TSPEAR: variants seen among roughly 807,000 people sequenced by gnomAD.
TSPEAR encodes thrombospondin type laminin G domain and EAR repeats.
TSPEAR carries 69 observed loss-of-function variants against 71.6 expected under a neutral mutation model. That is an observed-to-expected ratio of 0.96 (90% CI 0.79 to 1.18). TSPEAR has a LOEUF of 1.18. TSPEAR is among the 50% of genes most tolerant of loss of function. TSPEAR has a pLI of 0.00. For missense variants in TSPEAR, 971 were observed against 894.9 expected, an observed-to-expected ratio of 1.09 and a Z score of -1.09; for synonymous variants, 402 against 387.2, an observed-to-expected ratio of 1.04 and a Z score of -0.45.
rs1601467833 is a variant in TSPEAR, at chr21:44,600,026, C to T, written c.83-32021G>A. On this transcript the variant is annotated intron_variant, in intron 1 of 11. Coordinates refer to ENST00000323084, the MANE Select transcript of TSPEAR (RefSeq NM_144991.3). ...CCCCCAGGAACTACTGTGAACCTGA[C>T]GGGAAATGGCTCACACCACTGTCCA... Among the ~76,000 whole-genome samples, 5 of 152,214 alleles carry T rather than the reference C, an allele frequency of 3.3e-5. 1 individual carries two copies. The highest frequency in any genetic ancestry group is 6.5e-5 in the Admixed American group (1 of 15,282).
At chr21:44,700,007 G>A (rs1390432750) in intron 1 of TSPEAR, among the ~76,000 whole-genome samples, 1 of 152,148 alleles carries the variant, frequency 6.6e-6, no homozygotes, top group Non-Finnish European at 1.5e-5. Context: ...TTAGCTTAGG[G>A]TGATTTGCTA....
intron 1 of TSPEAR, among the ~76,000 whole-genome samples, chr21:44,621,596 G>A (rs1982437993): frequency 1.3e-5 from 2 of 152,122 alleles, no homozygotes; most frequent in African/African-American, 4.8e-5. Flanking sequence ...TTCCTCAGTT[G>A]CTCTCACTAG....
At chr21:44,654,446 G>A (rs587768043) in intron 1 of TSPEAR, 11 of 1,614,076 alleles carry the variant, frequency 6.8e-6, no homozygotes, top group East Asian at 6.7e-5. Flanking sequence ...CAGGCTGGCT[G>A]GCAGCAGGTG....
chr21:44,691,664 AT>A (rs1555949746), intron 1 of TSPEAR, among the ~76,000 whole-genome samples: 1 of 152,258 alleles, frequency 6.6e-6, no homozygotes, highest in African/African-American at 2.4e-5. Flanking sequence ...TGAACAGAAC[AT>A]CTAGTCAGAA....
chr21:44,697,188 C>A, intron 1 of TSPEAR: 1 of 1,610,936 alleles, frequency 6.2e-7, no homozygotes, highest in Non-Finnish European at 8.5e-7. Context: ...ACCCCCAGCA[C>A]GGCTGCATCC....
intron 2 of TSPEAR, among the ~76,000 whole-genome samples, chr21:44,556,128 A>G (rs377328843): frequency 2.0e-5 from 3 of 152,354 alleles, no homozygotes; most frequent in South Asian, 2.1e-4. Context: ...TTGTAATCCC[A>G]GCGCTTTGGG....
chr21:44,607,878 T>G (rs944426731), intron 1 of TSPEAR, among the ~76,000 whole-genome samples: 2 of 152,202 alleles, frequency 1.3e-5, no homozygotes, highest in African/African-American at 2.4e-5. Context: ...CCAAGAGAAG[T>G]GAAATCATAT....
intron 5 of TSPEAR, among the ~76,000 whole-genome samples, chr21:44,529,333 G>C (rs73907012): frequency 0.015 from 2,344 of 152,348 alleles, 64 homozygotes; most frequent in African/African-American, 0.053. Flanking sequence ...GGCCCTCTGG[G>C]CCGGGGGATC....
chr21:44,611,989 G>C, intron 1 of TSPEAR: 1 of 1,123,658 alleles, frequency 8.9e-7, no homozygotes, highest in Non-Finnish European at 1.3e-6. Flanking sequence ...GGGAAGGCTT[G>C]TGAGACTCCT....
At chr21:44,532,321 G>A (rs1405465266) in intron 3 of TSPEAR, among the ~76,000 whole-genome samples, 1 of 152,326 alleles carries the variant, frequency 6.6e-6, no homozygotes, top group East Asian at 1.9e-4. Flanking sequence ...CTGCCGCCAC[G>A]TCATTCCTAG....
intron 1 of TSPEAR, chr21:44,646,556 C>A (rs1555939810): frequency 1.2e-6 from 2 of 1,612,346 alleles, no homozygotes; most frequent in Non-Finnish European, 1.7e-6. Flanking sequence ...CCCTGCAGCG[C>A]CCCCAGCTGC....
At chr21:44,529,771 G>A in intron 5 of TSPEAR, 27 bp downstream of exon 5, 1 of 1,612,702 alleles carries the variant, frequency 6.2e-7, no homozygotes, top group Non-Finnish European at 8.5e-7. Context: ...TGCCTTTGGT[G>A]TGGGGGCGGG....
chr21:44,707,303 G>T (rs1601588000), intron 1 of TSPEAR, among the ~76,000 whole-genome samples: 2 of 22,016 alleles, frequency 9.1e-5, no homozygotes, highest in African/African-American at 3.0e-4. Flanking sequence ...GACGCGGGGT[G>T]GGGGGGGGTG....
intron 9 of TSPEAR, chr21:44,517,674 C>T (rs1197790146): frequency 4.5e-6 from 2 of 441,608 alleles, no homozygotes; most frequent in Non-Finnish European, 9.4e-6. Flanking sequence ...GGCAGGAAGC[C>T]ACTGACATGT....
intron 2 of TSPEAR, 138 bp from the exon 3 acceptor site, chr21:44,534,061 G>T: frequency 3.0e-6 from 2 of 655,896 alleles, no homozygotes; most frequent in African/African-American, 1.9e-5. Context: ...AGGTGAGGGG[G>T]CGCGGTGGAT....
At chr21:44,500,476 G>A (rs1326803662) in intron 11 of TSPEAR, among the ~76,000 whole-genome samples, 1 of 152,258 alleles carries the variant, frequency 6.6e-6, no homozygotes, top group Admixed American at 6.5e-5. Flanking sequence ...TTTCCGAGGC[G>A]TGGAGTCCCC....
chr21:44,591,404 G>T (rs372537152), intron 1 of TSPEAR: 1 of 1,609,712 alleles, frequency 6.2e-7, no homozygotes, highest in South Asian at 1.1e-5. Flanking sequence ...CTGGACTTCT[G>T]GCCAGAGCAG....
At chr21:44,630,609 G>T (rs587716813) in intron 1 of TSPEAR, among the ~76,000 whole-genome samples, 10 of 151,508 alleles carry the variant, frequency 6.6e-5, no homozygotes, top group African/African-American at 2.2e-4. Context: ...TGAGCAAGCA[G>T]GAAGTGAAGG....
intron 1 of TSPEAR, among the ~76,000 whole-genome samples, chr21:44,591,068 C>T (rs904278732): frequency 3.3e-4 from 50 of 151,744 alleles, no homozygotes; most frequent in Admixed American, 3.9e-4. Context: ...TCCCACCTCA[C>T]CCTGTGCCCC....
Sources: gnomAD v4.1 joint callset for allele counts (sites outside exome capture counted in the v4.1 genomes callset) on GRCh38, gnomAD v4.1.1 for gene constraint, MANE v1.5 for transcripts, NCBI Gene and HGNC (gene_info 2026-07-23, HGNC 2026-07-21) for gene names.